The following GOLGA7 variants were observed in gnomAD, a reference collection of about 807,000 sequenced individuals.
The protein encoded by GOLGA7 is golgin subfamily A member 7.
A neutral mutation model predicts 21.1 loss-of-function variants in GOLGA7; 10 were observed. The ratio of observed to expected loss-of-function variants is 0.47; its 90% confidence interval spans 0.29 to 0.80. The LOEUF is 0.80. Among genes scored for constraint, GOLGA7 ranks in the 30% least tolerant of loss-of-function variants. The pLI is 0.08. For synonymous variants in GOLGA7, 64 were observed against 62.6 expected (o/e 1.02, Z -0.10); for missense variants, 114 against 166.8 (o/e 0.68, Z 1.74).
rs562008180 is a variant in GOLGA7 at position 41,492,568 on chromosome 8, A to G, written c.111+1603A>G. On this transcript the variant is annotated intron_variant, in intron 1 of 4. Transcript: ENST00000357743. ...TCCCCGCTACTCAGGAGGCTGAAGT[A>G]GAAGAATTTCTTGAACCTGGGAGGC... Among the ~76,000 whole-genome samples the G allele has an allele frequency of 3.9e-5, 6 of 152,332 alleles. No homozygotes were observed. The East Asian group carries it at 1.2e-3, about 29-fold the overall frequency.
rs567879029 is a variant in GOLGA7, at chr8:41,490,630, C to G, written c.-225C>G. On this transcript the variant is annotated 5_prime_UTR_variant, in exon 1 of 5. Transcript: ENST00000357743. ...GCAGAGGAGGCGGGTTTGTGTTTCCCGGGCCGAACCGGGTTGTGGGGGGCG... is the reference window on the plus strand; with the variant it reads ...GCAGAGGAGGCGGGTTTGTGTTTCCGGGGCCGAACCGGGTTGTGGGGGGCG... The G allele has an allele frequency of 1.9e-6, 1 of 529,768 alleles. No individual in the cohort carries two copies. The highest frequency in any genetic ancestry group is 3.3e-5 in the East Asian group (1 of 30,184). The allele number at this position is 529,768 out of a possible 1,614,324, so 32.8% of individuals were successfully genotyped here. A position where few individuals can be genotyped will look rare whatever the true frequency, so the allele number is the denominator to read the frequency against.
chr8:41,505,731 C>T (rs1806269140), intron 2 of GOLGA7, 180 bp from the exon 3 acceptor site: 1 of 475,018 alleles, frequency 2.1e-6, no homozygotes, highest in Non-Finnish European at 3.7e-6. Flanking sequence ...GTCCCTCACA[C>T]TTGGCTGTAT....
intron 2 of GOLGA7, chr8:41,502,755 G>A (rs754576511): frequency 6.6e-6 from 1 of 152,198 alleles, no homozygotes; most frequent in Non-Finnish European, 1.5e-5. Context: ...TATCCTCAGG[G>A]AGGACAGTAG....
At chr8:41,499,280 C>T (rs1806093338) in intron 2 of GOLGA7, among the ~76,000 whole-genome samples, 3 of 152,168 alleles carry the variant, frequency 2.0e-5, no homozygotes, top group Non-Finnish European at 4.4e-5. Flanking sequence ...CCTGAAGCCC[C>T]AGTGGGCATA....
upstream of GOLGA7, chr8:41,490,559 G>T: frequency 5.0e-6 from 2 of 399,044 alleles, no homozygotes; most frequent in Non-Finnish European, 9.1e-6. Flanking sequence ...GGCTTTTTGC[G>T]GCAGGACGTA....
intron 2 of GOLGA7, among the ~76,000 whole-genome samples, chr8:41,500,691 G>T (rs1226510199): frequency 6.6e-6 from 1 of 152,180 alleles, no homozygotes; most frequent in East Asian, 1.9e-4. Flanking sequence ...CAGCCTCTCA[G>T]AGTATTGGGA....
intron 4 of GOLGA7, among the ~76,000 whole-genome samples, chr8:41,507,983 C>A (rs1011284548): frequency 1.3e-5 from 2 of 152,164 alleles, no homozygotes; most frequent in Non-Finnish European, 2.9e-5. Flanking sequence ...TACTATGTGC[C>A]TGGTATTGTA....
chr8:41,497,529 A>G lies in GOLGA7; in HGVS notation c.132A>G (p.Glu44=), dbSNP rs200463324. 2.9e-5 allele frequency: 45 copies of G among 1,568,590 alleles called. No individual in the cohort carries two copies. In the East Asian group the frequency reaches 9.9e-4, roughly 35 times the overall value. Residue 44 remains glutamate (E), a synonymous_variant, in exon 2 of 5, where the codon GAA becomes GAG. Transcript: ENST00000357743. ...LENRIDRQQF[E]ETVRTLNNLY... ...TACAGATTGATAGGCAGCAGTTTGA[A>G]GAAACAGTTCGAACTCTAAATAACC...
rs190773436 is a variant in GOLGA7, at chr8:41,506,976, G to A, written c.367-83G>A. Reference sequence around the variant, plus strand: ...ATAAAGCAAACTGAAAGCAAAGTCTGCAGATCACACCCTCCACCTTGCCAA... The same window carrying A: ...ATAAAGCAAACTGAAAGCAAAGTCTACAGATCACACCCTCCACCTTGCCAA... On this transcript the variant is annotated intron_variant, in intron 3 of 4. Transcript: ENST00000357743. 1,747 of 762,092 alleles carry A rather than the reference G, an allele frequency of 2.3e-3. 32 individuals carry two copies. Among genetic ancestry groups the A allele is most frequent in the Non-Finnish European group, 2.9e-4 (121 of 419,662 alleles). 47.2% of individuals were successfully genotyped at this position (762,092 alleles called of 1,614,324 possible).
intron 1 of GOLGA7, among the ~76,000 whole-genome samples, chr8:41,493,619 T>C (rs1019969018): frequency 6.6e-6 from 1 of 152,204 alleles, no homozygotes; most frequent in Non-Finnish European, 1.5e-5. Context: ...TGAACTGTAA[T>C]TGAGGCATTT....
At chr8:41,494,444 TATAAC>T (rs1310415337) in intron 1 of GOLGA7, among the ~76,000 whole-genome samples, 1 of 152,244 alleles carries the variant, frequency 6.6e-6, no homozygotes, top group Non-Finnish European at 1.5e-5. Flanking sequence ...TTCAATGACT[TATAAC>T]ATAGGCACAT....
intron 3 of GOLGA7, among the ~76,000 whole-genome samples, chr8:41,506,572 A>G (rs1387970391): frequency 1.3e-5 from 2 of 152,150 alleles, no homozygotes; most frequent in African/African-American, 2.4e-5. Context: ...GTAATGGGTA[A>G]ATAAATTTTT....
intron 2 of GOLGA7, among the ~76,000 whole-genome samples, chr8:41,499,430 T>C (rs1302012229): frequency 6.6e-6 from 1 of 152,182 alleles, no homozygotes; most frequent in Non-Finnish European, 1.5e-5. Context: ...TCGGATCACA[T>C]GTGGGCTTGG....
chr8:41,493,216 T>C (rs1440413174), intron 1 of GOLGA7, among the ~76,000 whole-genome samples: 1 of 152,254 alleles, frequency 6.6e-6, no homozygotes. Flanking sequence ...AAATTACAGG[T>C]TTAAACTTTC....
intron 1 of GOLGA7, among the ~76,000 whole-genome samples, chr8:41,494,296 C>T (rs911318597): frequency 3.9e-5 from 6 of 151,980 alleles, no homozygotes; most frequent in South Asian, 2.1e-4. Flanking sequence ...GGCAACATAG[C>T]GATACTCTGT....
At chr8:41,496,910 C>T (rs1039391594) in intron 1 of GOLGA7, among the ~76,000 whole-genome samples, 1 of 150,906 alleles carries the variant, frequency 6.6e-6, no homozygotes, top group Admixed American at 6.6e-5. Context: ...CGGGTTCACG[C>T]CATTCTCCTG....
In GOLGA7 at chr8:41,490,712, G is replaced by A; in HGVS notation, c.-143G>A. The A allele has an allele frequency of 1.7e-6, 1 of 597,240 alleles. No homozygotes were observed. Among genetic ancestry groups the A allele is most frequent in the Non-Finnish European group, 3.0e-6 (1 of 333,628 alleles). 37.0% of individuals were successfully genotyped at this position (597,240 alleles called of 1,614,324 possible). A position where few individuals can be genotyped will look rare whatever the true frequency, so the allele number is the denominator to read the frequency against. ...GCGGTGACAGCATGGGTGAAGGGGA[G>A]CGGGGCAGAGGAGGCCTTGGGCTGT... is the stretch of plus-strand genomic sequence containing the variant. On this transcript the variant is annotated 5_prime_UTR_variant, in exon 1 of 5. Transcript: ENST00000357743.
chr8:41,510,186 A>T lies in GOLGA7; in HGVS notation c.*618A>T, dbSNP rs1806387647. Reference sequence around the variant, plus strand: ...AAAAATGTATAATGTTATTTGTTTTATTATAGCAATTATGCCTAATTAAAG... The same window carrying T: ...AAAAATGTATAATGTTATTTGTTTTTTTATAGCAATTATGCCTAATTAAAG... On this transcript the variant is annotated 3_prime_UTR_variant, in exon 5 of 5. Transcript: ENST00000357743. 6.6e-6 allele frequency: 1 copy of T among 152,582 alleles called. No individual in the cohort carries two copies. The highest frequency in any genetic ancestry group is 1.9e-4 in the East Asian group (1 of 5,206). 9.5% of individuals were successfully genotyped at this position (152,582 alleles called of 1,614,324 possible).
Position 41,490,790 on chromosome 8 carries a change from G to A in GOLGA7, c.-65G>A. The A allele has an allele frequency of 4.5e-6, 4 of 891,582 alleles. No individual in the cohort carries two copies. In the South Asian group the frequency reaches 6.2e-5, roughly 14 times the overall value. 55.2% of individuals were successfully genotyped at this position (891,582 alleles called of 1,614,324 possible). A position where few individuals can be genotyped will look rare whatever the true frequency, so the allele number is the denominator to read the frequency against. ...TGGCGGGTCAGAGTCCCGGGTCCAG[G>A]CCGGGGCTCTGACTCGCGGTTGGTG... On this transcript the variant is annotated 5_prime_UTR_variant, in exon 1 of 5. Coordinates refer to ENST00000357743, the MANE Select transcript of GOLGA7 (RefSeq NM_001002296.2).
Sources: allele counts gnomAD v4.1 joint callset (sites outside exome capture counted in the v4.1 genomes callset), GRCh38; gene constraint gnomAD v4.1.1; transcripts MANE v1.5; gene names NCBI Gene and HGNC (gene_info 2026-07-23, HGNC 2026-07-21).